KTN1: variants seen among roughly 807,000 people sequenced by gnomAD.
KTN1 encodes the protein kinectin 1.
Under a neutral mutation model 222.5 loss-of-function variants are expected in KTN1, and 130 were observed. The observed-to-expected ratio is 0.58, with a 90% CI of 0.51 to 0.68. The LOEUF is 0.68. KTN1 is among the 30% of genes least tolerant of loss of function. The probability of loss-of-function intolerance (pLI) is 0.00; values close to 1 mark genes in which losing one functional copy is unlikely to be tolerated. For synonymous variants in KTN1, 512 were observed against 496.3 expected, an observed-to-expected ratio of 1.03 and a Z score of -0.42; for missense variants, 1,508 against 1,500.4, an observed-to-expected ratio of 1.01 and a Z score of -0.08.
rs2043434530 is a variant in KTN1, at chr14:55,656,060, T to G, written c.2820T>G (p.Asn940Lys). ...ATTCTAGGTTGAAAGAAAAGGAAAATGAATTGAAGAGGTTAGAAGCCATGC... is the reference window on the plus strand; with the variant it reads ...ATTCTAGGTTGAAAGAAAAGGAAAAGGAATTGAAGAGGTTAGAAGCCATGC... ...ELEIVLKEKE[N>K]ELKRLEAMLK... Residue 940 changes from asparagine (N) to lysine (K), a missense_variant, in exon 29 of 44, where the codon AAT becomes AAG. Physicochemically the swap from Asn to Lys is moderately conservative, Grantham distance 94 (BLOSUM62 0). Transcript: ENST00000395314. The G allele has an allele frequency of 6.2e-7, 1 of 1,602,910 alleles. No homozygotes were observed. Among genetic ancestry groups the G allele is most frequent in the Non-Finnish European group, 8.5e-7 (1 of 1,174,104 alleles).
At chr14:55,604,090 TGA>T in intron 1 of KTN1, among the ~76,000 whole-genome samples, 1 of 152,354 alleles carries the variant, frequency 6.6e-6, no homozygotes, top group Middle Eastern at 3.4e-3. Flanking sequence ...CCCATATTAC[TGA>T]GAGTGTTAGC....
Position 55,649,825 on chromosome 14 carries a change from C to T in KTN1, c.2405+12C>T, listed in dbSNP as rs769008877. On this transcript the variant is annotated intron_variant, in intron 22 of 43. Transcript: ENST00000395314. ...GAACTTAAGAAAGTGTAAGTGATAA[C>T]ATTATTATAAACTGGTTTTTCTTCT... is the stretch of plus-strand genomic sequence containing the variant. 8 of 1,450,964 alleles carry T rather than the reference C, an allele frequency of 5.5e-6. No individual in the cohort carries two copies. In the Admixed American group the frequency reaches 6.1e-5, roughly 11 times the overall value. The allele number at this position is 1,450,964 out of a possible 1,614,324, so 89.9% of individuals were successfully genotyped here.
intron 5 of KTN1, among the ~76,000 whole-genome samples, chr14:55,622,821 C>G (rs564943528): frequency 2.6e-5 from 4 of 152,248 alleles, no homozygotes; most frequent in Non-Finnish European, 5.9e-5. Context: ...TTTAAAAACC[C>G]TTTGGTGTTT....
rs2033378573 is a variant in KTN1 at position 55,588,013 on chromosome 14, C to T, written c.-31+7659C>T. Among the ~76,000 whole-genome samples, 6 of 152,098 alleles carry T rather than the reference C, an allele frequency of 3.9e-5. No individual in the cohort carries two copies. In the South Asian group the frequency reaches 1.2e-3, roughly 32 times the overall value. ...CTTTTCAAGTAAAAAATACAGCTGA[C>T]CTTTGGACAATGTGGGAATTAGGGG... On this transcript the variant is annotated intron_variant, in intron 1 of 43. Coordinates refer to ENST00000395314, the MANE Select transcript of KTN1 (RefSeq NM_001079521.2).
At chr14:55,588,527 G>A (rs953456013) in intron 1 of KTN1, among the ~76,000 whole-genome samples, 2 of 152,164 alleles carry the variant, frequency 1.3e-5, no homozygotes, top group Non-Finnish European at 2.9e-5. Flanking sequence ...TTTTTACTGT[G>A]ATACTGTTAC....
Position 55,641,157 on chromosome 14 carries a change from G to T in KTN1, c.2052G>T (p.Leu684Phe). 1 of 1,596,676 alleles carries T rather than the reference G, an allele frequency of 6.3e-7. No homozygotes were observed. ...ATGTTAAAGATGATAAAATAAGATT[G>T]CTGGAAGAGCAACTACAACATGAAA... ...SVYVKDDKIR[L>F]LEEQLQHEIS... The change falls in exon 17 of 44, where the codon TTG becomes TTT. Residue 684 changes from leucine to phenylalanine, a missense_variant. Physicochemically the swap from Leu to Phe is conservative, Grantham distance 22. Coordinates refer to ENST00000395314, the MANE Select transcript of KTN1 (RefSeq NM_001079521.2).
At chr14:55,645,853 G>A (rs1390074661) in intron 18 of KTN1, among the ~76,000 whole-genome samples, 2 of 152,118 alleles carry the variant, frequency 1.3e-5, no homozygotes, top group African/African-American at 4.8e-5. Flanking sequence ...TATGTACAGA[G>A]TGGAATTTTA....
chr14:55,625,327 A>AT (rs891377085), intron 5 of KTN1, among the ~76,000 whole-genome samples: 1 of 152,282 alleles, frequency 6.6e-6, no homozygotes, highest in African/African-American at 2.4e-5. Context: ...TTAATTATTA[A>AT]TTTTTTATCA....
At chr14:55,652,074 G>T in intron 25 of KTN1, 147 bp downstream of exon 25, 1 of 579,810 alleles carries the variant, frequency 1.7e-6, no homozygotes, top group Non-Finnish European at 3.0e-6. Context: ...AGGGCCCTAA[G>T]TTTCTTATTT....
chr14:55,658,376 T>C (rs996876794), intron 29 of KTN1, among the ~76,000 whole-genome samples, 170 bp from the exon 30 acceptor site: 3 of 152,248 alleles, frequency 2.0e-5, no homozygotes. Flanking sequence ...AGTACTAATA[T>C]AAATACTCTA....
chr14:55,654,655 C>G (rs1479110515), intron 28 of KTN1, among the ~76,000 whole-genome samples: 1 of 151,778 alleles, frequency 6.6e-6, no homozygotes, highest in African/African-American at 2.4e-5. Flanking sequence ...TAACATCTTG[C>G]ATTAGCATGG....
chr14:55,595,770 C>T (rs1594745717), intron 1 of KTN1, among the ~76,000 whole-genome samples: 2 of 152,164 alleles, frequency 1.3e-5, no homozygotes, highest in Admixed American at 6.5e-5. Context: ...ACTGTTCTGA[C>T]AAAATCAGAC....
Position 55,637,795 on chromosome 14 carries a change from A to G in KTN1, c.1733A>G (p.Asn578Ser). Residue 578 changes from asparagine (N) to serine (S), a missense_variant, in exon 12 of 44, where the codon AAT becomes AGT. Coordinates refer to ENST00000395314, the MANE Select transcript of KTN1 (RefSeq NM_001079521.2). ...TTATGAAAGGATATTTTGGAGCAGA[A>G]TGAGGCTTTGAAAGCTCAAATTCAG... ...QMQVQDILEQ[N>S]EALKAQIQQF... The G allele has an allele frequency of 3.1e-6, 5 of 1,610,880 alleles. No individual in the cohort carries two copies. The highest frequency in any genetic ancestry group is 1.1e-5 in the South Asian group (1 of 90,598).
chr14:55,602,203 C>T (rs1463459157), intron 1 of KTN1, among the ~76,000 whole-genome samples: 1 of 152,182 alleles, frequency 6.6e-6, no homozygotes, highest in African/African-American at 2.4e-5. Context: ...TTCTTTATCA[C>T]ACTGCAGTAT....
At chr14:55,590,442 A>G (rs1180522415) in intron 1 of KTN1, among the ~76,000 whole-genome samples, 4 of 152,356 alleles carry the variant, frequency 2.6e-5, no homozygotes, top group Middle Eastern at 3.4e-3. Context: ...ATATAAAGAC[A>G]TAATGAACAG....
At chr14:55,650,520 A>G (rs374765753) in intron 23 of KTN1, 49 bp from the exon 24 acceptor site, 24 of 1,539,940 alleles carry the variant, frequency 1.6e-5, no homozygotes, top group East Asian at 9.0e-5. Context: ...ATTTTATGTC[A>G]ATTTCTGTGT....
chr14:55,610,464 A>G (rs2037379119), intron 1 of KTN1, among the ~76,000 whole-genome samples: 2 of 152,236 alleles, frequency 1.3e-5, no homozygotes, highest in South Asian at 4.1e-4. Flanking sequence ...ATTTAAAATC[A>G]GGTATTTTCT....
chr14:55,676,252 T>C (rs2045882850), intron 41 of KTN1, among the ~76,000 whole-genome samples: 1 of 152,194 alleles, frequency 6.6e-6, no homozygotes, highest in Non-Finnish European at 1.5e-5. Flanking sequence ...TTACAAAGTA[T>C]GTTTCTCTTG....
At chr14:55,669,382 A>G (rs964555874) in intron 34 of KTN1, among the ~76,000 whole-genome samples, 4 of 152,118 alleles carry the variant, frequency 2.6e-5, no homozygotes. Context: ...TCTACAAGAA[A>G]TGTACTAAAC....
Sources: allele counts gnomAD v4.1 joint callset (sites outside exome capture counted in the v4.1 genomes callset), GRCh38; gene constraint gnomAD v4.1.1; transcripts MANE v1.5; gene names NCBI Gene and HGNC (gene_info 2026-07-23, HGNC 2026-07-21).